The following ACOT7 variants were observed in gnomAD, a reference collection of about 807,000 sequenced individuals.
ACOT7 encodes the protein cytosolic acyl coenzyme A thioester hydrolase.
In ACOT7, 12 loss-of-function variants were observed where a neutral mutation model predicts 40.2. That is an observed-to-expected ratio of 0.30 (90% CI 0.19 to 0.48). The LOEUF is 0.48. ACOT7 is among the 20% of genes least tolerant of loss of function. The pLI is 0.99. For missense variants in ACOT7, 395 were observed against 530.8 expected, an observed-to-expected ratio of 0.74 and a Z score of 2.51; for synonymous variants, 228 against 219.5, an observed-to-expected ratio of 1.04 and a Z score of -0.34.
In ACOT7 at chr1:6,381,593, A is replaced by C. The variant is rs1206744593; in HGVS notation, c.143+11664T>G. Among the ~76,000 whole-genome samples, 4 of 151,938 alleles carry C rather than the reference A, an allele frequency of 2.6e-5. No individual in the cohort carries two copies. The East Asian group carries it at 5.8e-4, about 22-fold the overall frequency. ...CATGTACACTGTCGGTGGAAATGTAAAATGGCATAGCCGCTGTGGAAAACA... is the reference window on the plus strand; with the variant it reads ...CATGTACACTGTCGGTGGAAATGTACAATGGCATAGCCGCTGTGGAAAACA... On this transcript the variant is annotated intron_variant, in intron 1 of 8. Coordinates refer to ENST00000361521, the MANE Select transcript of ACOT7 (RefSeq NM_007274.4).
chr1:6,270,976 C>A (rs1639017565), intron 8 of ACOT7, among the ~76,000 whole-genome samples: 1 of 152,160 alleles, frequency 6.6e-6, no homozygotes, highest in Non-Finnish European at 1.5e-5. Context: ...ACAGTACGCT[C>A]CCTCCCTGGT....
chr1:6,336,767 C>CAT (rs3029066), intron 3 of ACOT7, among the ~76,000 whole-genome samples: 53,726 of 151,996 alleles, frequency 0.35, 14,589 homozygotes, highest in African/African-American at 0.77. Flanking sequence ...TTGGGGCCTT[C>CAT]GAGTTCAATT....
intron 2 of ACOT7, among the ~76,000 whole-genome samples, chr1:6,343,195 A>G (rs1641323070): frequency 6.6e-6 from 1 of 152,206 alleles, no homozygotes; most frequent in African/African-American, 2.4e-5. Context: ...AGTATGTGGC[A>G]GTCACTTCAA....
At chr1:6,335,567 T>A (rs1241123537) in intron 3 of ACOT7, among the ~76,000 whole-genome samples, 1 of 152,026 alleles carries the variant, frequency 6.6e-6, no homozygotes, top group African/African-American at 2.4e-5. Context: ...CTGCAGGAAG[T>A]AATGGAGGAA....
chr1:6,267,417 C>A (rs1046993626), intron 8 of ACOT7, among the ~76,000 whole-genome samples: 1 of 152,202 alleles, frequency 6.6e-6, no homozygotes, highest in African/African-American at 2.4e-5. Flanking sequence ...CGTCCAAGGC[C>A]AGGGCCCTGG....
At chr1:6,386,949 G>A (rs889660954) in intron 1 of ACOT7, among the ~76,000 whole-genome samples, 1 of 152,118 alleles carries the variant, frequency 6.6e-6, no homozygotes, top group South Asian at 2.1e-4. Context: ...GTGACTTCAC[G>A]TTTCTGTCCT....
chr1:6,320,107 C>T (rs565107580), intron 5 of ACOT7, among the ~76,000 whole-genome samples: 14 of 152,218 alleles, frequency 9.2e-5, no homozygotes, highest in African/African-American at 1.7e-4. Flanking sequence ...AACTTAACCT[C>T]CCTTTGCCTC....
intron 2 of ACOT7, among the ~76,000 whole-genome samples, chr1:6,342,621 C>T (rs189435658): frequency 6.6e-6 from 1 of 152,352 alleles, no homozygotes; most frequent in East Asian, 1.9e-4. Context: ...GCACATGCAA[C>T]CACACCTAAC....
intron 3 of ACOT7, among the ~76,000 whole-genome samples, chr1:6,334,828 A>G (rs1156932796): frequency 1.3e-5 from 2 of 152,246 alleles, no homozygotes; most frequent in African/African-American, 4.8e-5. Flanking sequence ...AGGGTCACAC[A>G]GCAACTTGGT....
intron 7 of ACOT7, among the ~76,000 whole-genome samples, chr1:6,285,608 C>T (rs1324437158): frequency 6.6e-6 from 1 of 152,228 alleles, no homozygotes; most frequent in Non-Finnish European, 1.5e-5. Flanking sequence ...GCCCACAGGT[C>T]CCTCCACCAA....
chr1:6,310,765 G>A (rs1200899230), intron 6 of ACOT7, among the ~76,000 whole-genome samples: 2 of 152,092 alleles, frequency 1.3e-5, no homozygotes, highest in Non-Finnish European at 2.9e-5. Context: ...ACAGAGTCTT[G>A]TTCTGTCACC....
intron 8 of ACOT7, among the ~76,000 whole-genome samples, chr1:6,267,576 T>C (rs1185353096): frequency 6.6e-6 from 1 of 152,214 alleles, no homozygotes; most frequent in Non-Finnish European, 1.5e-5. Flanking sequence ...GGTTTGGGGA[T>C]CTATGCACTA....
At chr1:6,333,032 G>T (rs1300671686) in intron 4 of ACOT7, among the ~76,000 whole-genome samples, 1 of 152,154 alleles carries the variant, frequency 6.6e-6, no homozygotes, top group Non-Finnish European at 1.5e-5. Context: ...GGGCCACGGG[G>T]GAACAGCTGG....
At chr1:6,290,573 T>C (rs750718040) in intron 7 of ACOT7, among the ~76,000 whole-genome samples, 5 of 152,236 alleles carry the variant, frequency 3.3e-5, no homozygotes, top group Non-Finnish European at 7.3e-5. Flanking sequence ...GTAATCCTTA[T>C]GTGGATTAAA....
At position 6,281,292 on chromosome 1, in the gene ACOT7, GAGA is replaced by G; in HGVS notation, c.830-9_830-7del. On this transcript the variant is annotated splice_polypyrimidine_tract_variant and splice_region_variant and intron_variant, in intron 7 of 8. Coordinates refer to ENST00000361521, the MANE Select transcript of ACOT7 (RefSeq NM_007274.4). ...CGAGATGGTGATGACGCAGCCTGTGGAGAAGGGAGGGCGGGGGTCAGGGCGGCC... is the reference window on the plus strand; with the variant it reads ...CGAGATGGTGATGACGCAGCCTGTGGAGGGAGGGCGGGGGTCAGGGCGGCC... 6.2e-7 allele frequency: 1 copy of G among 1,612,856 alleles called. No individual in the cohort carries two copies. The highest frequency in any genetic ancestry group is 8.5e-7 in the Non-Finnish European group (1 of 1,179,718).
intron 2 of ACOT7, among the ~76,000 whole-genome samples, chr1:6,344,830 C>A (rs1309476913): frequency 6.7e-6 from 1 of 149,126 alleles, no homozygotes; most frequent in Non-Finnish European, 1.5e-5. Flanking sequence ...GGCATCCACA[C>A]AGGAGTCTTG....
At chr1:6,363,497 C>T (rs6703743) in intron 1 of ACOT7, among the ~76,000 whole-genome samples, 25,840 of 151,998 alleles carry the variant, frequency 0.17, 3,840 homozygotes, top group African/African-American at 0.4. Context: ...GCTCCTAGTC[C>T]ACTTTCATGT....
chr1:6,344,363 C>T (rs1472814774), intron 2 of ACOT7, among the ~76,000 whole-genome samples: 1 of 152,210 alleles, frequency 6.6e-6, no homozygotes, highest in Non-Finnish European at 1.5e-5. Flanking sequence ...CAGTAGCCTT[C>T]CCCACAGTGC....
intron 1 of ACOT7, among the ~76,000 whole-genome samples, chr1:6,377,736 A>G (rs562355411): frequency 2.6e-4 from 40 of 152,324 alleles, no homozygotes; most frequent in African/African-American, 9.1e-4. Flanking sequence ...ACACAGCAAC[A>G]AAACAGCAAA....
Sources: allele counts gnomAD v4.1 joint callset (sites outside exome capture counted in the v4.1 genomes callset), GRCh38; gene constraint gnomAD v4.1.1; transcripts MANE v1.5; gene names NCBI Gene and HGNC (gene_info 2026-07-23, HGNC 2026-07-21).